The following PPARGC1A variants were observed in gnomAD, a reference collection of about 807,000 sequenced individuals.
The protein encoded by PPARGC1A is PPARG coactivator 1 alpha.
In PPARGC1A, 25 loss-of-function variants were observed where a neutral mutation model predicts 88.7. That is an observed-to-expected ratio of 0.28 (90% CI 0.21 to 0.39). The LOEUF (loss-of-function observed/expected upper bound fraction) is 0.39, where lower values mean the gene tolerates loss of function less well. Ranked by LOEUF, PPARGC1A falls within the 10% of genes least tolerant of loss-of-function variation. The pLI is 1.00. For synonymous variants in PPARGC1A, 363 were observed against 355.6 expected (o/e 1.02, Z -0.24); for missense variants, 880 against 968.7 (o/e 0.91, Z 1.22).
the PPARGC1A span, among the ~76,000 whole-genome samples, chr4:24,222,624 T>A: frequency 7.9e-3 from 1,198 of 152,300 alleles, 27 homozygotes; most frequent in African/African-American, 0.027. Context: ...AAGTCCAAGG[T>A]TATACTGTAG....
chr4:24,302,903 A>G, the PPARGC1A span, among the ~76,000 whole-genome samples: 1 of 152,224 alleles, frequency 6.6e-6, no homozygotes, highest in East Asian at 1.9e-4. Context: ...ATCTTAATGA[A>G]CATTCTTTCC....
At chr4:24,090,435 A>G in the PPARGC1A span, among the ~76,000 whole-genome samples, 3,944 of 152,336 alleles carry the variant, frequency 0.026, 160 homozygotes, top group African/African-American at 0.089. Context: ...ATATTTCACT[A>G]AAATTTCTGT....
the PPARGC1A span, among the ~76,000 whole-genome samples, chr4:24,353,817 G>T: frequency 2.0e-5 from 3 of 152,172 alleles, no homozygotes; most frequent in Non-Finnish European, 2.9e-5. Flanking sequence ...TCTTGATTTT[G>T]ATAGGAAACG....
chr4:24,327,700 G>A, the PPARGC1A span, among the ~76,000 whole-genome samples: 139 of 151,682 alleles, frequency 9.2e-4, no homozygotes, highest in African/African-American at 2.9e-3. Flanking sequence ...CCCTAATCCC[G>A]CTTGAAGCAG....
the PPARGC1A span, among the ~76,000 whole-genome samples, chr4:23,948,715 C>T: frequency 3.2e-4 from 48 of 152,278 alleles, 1 homozygote; most frequent in South Asian, 4.4e-3. Flanking sequence ...TTATTACAAA[C>T]GCCTCTTTTC....
chr4:23,801,921 T>C (rs1306781515), intron 11 of PPARGC1A, 40 bp from the exon 12 acceptor site: 3 of 1,609,650 alleles, frequency 1.9e-6, no homozygotes, highest in Non-Finnish European at 2.5e-6. Flanking sequence ...GGTTAAGAAG[T>C]ATTAGTATAT....
At chr4:24,255,371 AT>A in the PPARGC1A span, among the ~76,000 whole-genome samples, 1 of 152,108 alleles carries the variant, frequency 6.6e-6, no homozygotes, top group Non-Finnish European at 1.5e-5. Context: ...CATTCCATAC[AT>A]TTTCTATTCA....
the PPARGC1A span, among the ~76,000 whole-genome samples, chr4:23,955,278 C>G: frequency 6.6e-6 from 1 of 151,920 alleles, no homozygotes; most frequent in Non-Finnish European, 1.5e-5. Flanking sequence ...ATTCTTTACC[C>G]TAGAAAACCT....
chr4:24,284,292 G>C, the PPARGC1A span, among the ~76,000 whole-genome samples: 1 of 152,138 alleles, frequency 6.6e-6, no homozygotes, highest in East Asian at 1.9e-4. Flanking sequence ...CTGGGCGACA[G>C]AGCGAGACTC....
the PPARGC1A span, among the ~76,000 whole-genome samples, chr4:23,954,929 G>C: frequency 6.6e-6 from 1 of 152,154 alleles, no homozygotes; most frequent in African/African-American, 2.4e-5. Flanking sequence ...TTTTACTGCT[G>C]TCTTGCTCTT....
At chr4:24,082,677 G>C in the PPARGC1A span, among the ~76,000 whole-genome samples, 1 of 152,072 alleles carries the variant, frequency 6.6e-6, no homozygotes, top group Non-Finnish European at 1.5e-5. Flanking sequence ...AGACACGCAA[G>C]AGCTGCCTGT....
intron 12 of PPARGC1A, among the ~76,000 whole-genome samples, chr4:23,798,082 C>T (rs993123526): frequency 1.3e-5 from 2 of 151,838 alleles, no homozygotes; most frequent in Non-Finnish European, 2.9e-5. Context: ...CACCAGAGAA[C>T]AACCCCCCTT....
At chr4:24,357,931 T>G in the PPARGC1A span, among the ~76,000 whole-genome samples, 1 of 152,226 alleles carries the variant, frequency 6.6e-6, no homozygotes, top group Admixed American at 6.5e-5. Flanking sequence ...GTCTCAGATA[T>G]GTCTTTGTCA....
At chr4:24,040,272 A>T in the PPARGC1A span, among the ~76,000 whole-genome samples, 1 of 152,130 alleles carries the variant, frequency 6.6e-6, no homozygotes. Flanking sequence ...CTATTTGTAG[A>T]CTCTGCATTT....
At chr4:24,284,129 CAAA>C in the PPARGC1A span, among the ~76,000 whole-genome samples, 1,622 of 117,900 alleles carry the variant, frequency 0.014, 40 homozygotes, top group East Asian at 0.12. Context: ...CTAAAAATAC[CAAA>C]AAAAAAAAAA....
At chr4:23,997,871 G>C in the PPARGC1A span, among the ~76,000 whole-genome samples, 1 of 152,138 alleles carries the variant, frequency 6.6e-6, no homozygotes, top group East Asian at 1.9e-4. Context: ...TATTGAACTT[G>C]CAAGTAAATA....
chr4:24,232,010 A>G, the PPARGC1A span, among the ~76,000 whole-genome samples: 1 of 152,180 alleles, frequency 6.6e-6, no homozygotes, highest in Non-Finnish European at 1.5e-5. Flanking sequence ...TACACTGTCT[A>G]CTTTTCTGTG....
chr4:24,029,532 C>T, the PPARGC1A span, among the ~76,000 whole-genome samples: 8 of 152,086 alleles, frequency 5.3e-5, no homozygotes, highest in East Asian at 1.9e-4. Flanking sequence ...AAAATCATCT[C>T]GGAGCCTTGA....
At chr4:23,974,434 C>A in the PPARGC1A span, among the ~76,000 whole-genome samples, 6 of 152,126 alleles carry the variant, frequency 3.9e-5, no homozygotes, top group Non-Finnish European at 8.8e-5. Flanking sequence ...AATCCTGTCT[C>A]TCGTGTTCAC....
Sources: gnomAD v4.1 joint callset for allele counts (sites outside exome capture counted in the v4.1 genomes callset) on GRCh38, gnomAD v4.1.1 for gene constraint, MANE v1.5 for transcripts, NCBI Gene and HGNC (gene_info 2026-07-23, HGNC 2026-07-21) for gene names.